Variants in STX8 observed in about 807,000 individuals in gnomAD.
STX8 encodes syntaxin 8.
In STX8, 23 loss-of-function variants were observed where a neutral mutation model predicts 37.5. That is an observed-to-expected ratio of 0.61 (90% CI 0.44 to 0.87). The LOEUF is 0.87. Among genes scored for constraint, STX8 ranks in the 40% least tolerant of loss-of-function variants. The probability of loss-of-function intolerance (pLI) is 0.00; values close to 1 mark genes in which losing one functional copy is unlikely to be tolerated. For synonymous variants in STX8, 115 were observed against 99.1 expected (o/e 1.16, Z -0.95); for missense variants, 313 against 284.7 (o/e 1.10, Z -0.71).
At chr17:9,317,858 G>A (rs570538153) in intron 7 of STX8, among the ~76,000 whole-genome samples, 1 of 152,268 alleles carries the variant, frequency 6.6e-6, no homozygotes, top group South Asian at 2.1e-4. Context: ...GTGTAGGTAG[G>A]TGTTGCTGTC....
chr17:9,537,551 T>A (rs140466562), intron 4 of STX8, among the ~76,000 whole-genome samples: 3 of 132,238 alleles, frequency 2.3e-5, no homozygotes, highest in African/African-American at 8.6e-5. Flanking sequence ...CGCAGGTTTG[T>A]TAACACAGTC....
intron 7 of STX8, among the ~76,000 whole-genome samples, chr17:9,274,751 CTTTTTTTTTT>C (rs377159395): frequency 1.3e-5 from 1 of 78,642 alleles, no homozygotes; most frequent in Non-Finnish European, 2.5e-5. Flanking sequence ...TTTCTTTTTT[CTTTTTTTTTT>C]TTTTTTTTGA....
At chr17:9,338,957 G>T (rs1050737447) in intron 7 of STX8, among the ~76,000 whole-genome samples, 1 of 151,636 alleles carries the variant, frequency 6.6e-6, no homozygotes, top group African/African-American at 2.4e-5. Context: ...TGTAATCCCA[G>T]CTACTCCAGA....
rs544489895 is a variant in STX8 at position 9,299,504 on chromosome 17, C to T, written c.644-48859G>A. 5.1e-4 allele frequency among the ~76,000 whole-genome samples: 75 copies of T among 147,460 alleles called. 1 individual carries two copies. Among genetic ancestry groups the T allele is most frequent in the Non-Finnish European group, 9.3e-4 (63 of 67,454 alleles). On this transcript the variant is annotated intron_variant, in intron 7 of 7. Coordinates refer to ENST00000306357, the MANE Select transcript of STX8 (RefSeq NM_004853.3). ...TGTCGCCCAGGCTAGAGTGCAGTGG[C>T]GCGATCTGGGCTCACTGCAAGCTCT...
intron 5 of STX8, among the ~76,000 whole-genome samples, chr17:9,502,805 A>G (rs539884835): frequency 1.3e-5 from 2 of 152,160 alleles, no homozygotes; most frequent in Non-Finnish European, 1.5e-5. Flanking sequence ...AATCTATAAT[A>G]TAAGAGTGAA....
At chr17:9,487,833 T>A (rs965985262) in intron 6 of STX8, among the ~76,000 whole-genome samples, 6 of 152,160 alleles carry the variant, frequency 3.9e-5, no homozygotes, top group Non-Finnish European at 8.8e-5. Context: ...TGGATGCGCT[T>A]CTGTGCATGT....
chr17:9,543,390 T>C (rs1276170807), intron 4 of STX8, among the ~76,000 whole-genome samples: 1 of 150,814 alleles, frequency 6.6e-6, no homozygotes, highest in Non-Finnish European at 1.5e-5. Context: ...ACCTCCCAGG[T>C]TCAAGCAATT....
intron 4 of STX8, among the ~76,000 whole-genome samples, chr17:9,508,530 T>C (rs961330874): frequency 6.6e-6 from 1 of 152,200 alleles, no homozygotes; most frequent in Non-Finnish European, 1.5e-5. Flanking sequence ...GGTTTCACCA[T>C]GTTAGCCAGG....
intron 7 of STX8, among the ~76,000 whole-genome samples, chr17:9,292,626 C>T (rs1032196312): frequency 2.0e-5 from 3 of 152,220 alleles, no homozygotes; most frequent in Non-Finnish European, 4.4e-5. Flanking sequence ...TTCCTCCTCT[C>T]ACCTCCAACT....
intron 7 of STX8, among the ~76,000 whole-genome samples, chr17:9,271,219 C>T (rs985415959): frequency 8.5e-5 from 13 of 152,274 alleles, no homozygotes; most frequent in South Asian, 2.1e-4. Flanking sequence ...TTTGGGAGGC[C>T]GAAGCGGGCG....
intron 6 of STX8, among the ~76,000 whole-genome samples, chr17:9,427,804 G>C (rs1315702388): frequency 6.6e-6 from 1 of 152,118 alleles, no homozygotes; most frequent in South Asian, 2.1e-4. Flanking sequence ...AGAAAGCGCT[G>C]GGTGCAGGCA....
chr17:9,262,565 G>GT lies in STX8; in HGVS notation c.644-11921dup, dbSNP rs372401723. On this transcript the variant is annotated intron_variant, in intron 7 of 7. Coordinates refer to ENST00000306357, the MANE Select transcript of STX8 (RefSeq NM_004853.3). Reference sequence around the variant, plus strand: ...GTTTCTTTGTTTTTTGGTGTTTTTTGTTTTTTTTGTTTTGTTTTGTTTTTT... The same window carrying GT: ...GTTTCTTTGTTTTTTGGTGTTTTTTGTTTTTTTTTGTTTTGTTTTGTTTTTT... Among the ~76,000 whole-genome samples, 894 of 149,590 alleles carry GT rather than the reference G, an allele frequency of 6.0e-3. 5 individuals carry two copies. The highest frequency in any genetic ancestry group is 0.015 in the African/African-American group (607 of 39,766).
chr17:9,485,122 C>T (rs1409262513), intron 6 of STX8, among the ~76,000 whole-genome samples: 1 of 50,060 alleles, frequency 2.0e-5, no homozygotes, highest in Non-Finnish European at 5.1e-5. Flanking sequence ...GACCTTGTCG[C>T]TTAGAAAAAA....
intron 7 of STX8, among the ~76,000 whole-genome samples, chr17:9,372,162 G>A (rs1021401912): frequency 6.6e-6 from 1 of 152,120 alleles, no homozygotes. Flanking sequence ...TGTCCAGGGG[G>A]CAAATTCACA....
intron 1 of STX8, among the ~76,000 whole-genome samples, chr17:9,568,916 G>A (rs75869316): frequency 0.024 from 3,650 of 152,334 alleles, 57 homozygotes; most frequent in South Asian, 0.036. Context: ...CATGGACTGA[G>A]CGTTATTTAC....
intron 7 of STX8, among the ~76,000 whole-genome samples, chr17:9,306,587 TA>T (rs1372584036): frequency 3.8e-5 from 2 of 52,010 alleles, no homozygotes; most frequent in Non-Finnish European, 7.9e-5. Context: ...CCGTCTCTAC[TA>T]AAAATACAAA....
At chr17:9,454,969 G>A (rs112389084) in intron 6 of STX8, among the ~76,000 whole-genome samples, 9,925 of 151,466 alleles carry the variant, frequency 0.066, 997 homozygotes, top group African/African-American at 0.21. Context: ...TAATCCCAGC[G>A]CTTTGGAAGG....
chr17:9,529,937 A>G (rs59130539), intron 4 of STX8, among the ~76,000 whole-genome samples: 7,048 of 152,140 alleles, frequency 0.046, 594 homozygotes, highest in African/African-American at 0.16. Context: ...CTATGATTCC[A>G]TCAGTGAATA....
intron 3 of STX8, among the ~76,000 whole-genome samples, chr17:9,549,092 A>C (rs182294427): frequency 2.0e-5 from 3 of 152,352 alleles, no homozygotes; most frequent in Non-Finnish European, 2.9e-5. Flanking sequence ...AGTCTGAGAT[A>C]CTAGCTACCA....
Sources: allele counts gnomAD v4.1 joint callset (sites outside exome capture counted in the v4.1 genomes callset), GRCh38; gene constraint gnomAD v4.1.1; transcripts MANE v1.5; gene names NCBI Gene and HGNC (gene_info 2026-07-23, HGNC 2026-07-21).